PLCG2: variants seen among roughly 807,000 people sequenced by gnomAD.
PLCG2 encodes the protein phospholipase C gamma 2.
In PLCG2, 69 loss-of-function variants were observed where a neutral mutation model predicts 175.6. The observed-to-expected ratio is 0.39, with a 90% CI of 0.32 to 0.48. The LOEUF (loss-of-function observed/expected upper bound fraction) is 0.48. Among genes scored for constraint, PLCG2 ranks in the 20% least tolerant of loss-of-function variants. The pLI is 0.91. For missense variants in PLCG2, 1,798 were observed against 1,650.9 expected, an observed-to-expected ratio of 1.09 and a Z score of -1.54; for synonymous variants, 827 against 624.0, an observed-to-expected ratio of 1.33 and a Z score of -4.85.
chr16:81,766,076 C>T (rs534382682), intron 2 of PLCG2, among the ~76,000 whole-genome samples: 1 of 152,232 alleles, frequency 6.6e-6, no homozygotes, highest in Non-Finnish European at 1.5e-5. Context: ...CCTACCTCTT[C>T]TGTCTCCTGT....
In PLCG2 at chr16:81,956,917, G is replaced by A. The variant is rs199988921; in HGVS notation, c.3755+38G>A. Reference sequence around the variant, plus strand: ...CTCCACCTGCAAAAACTTTTGGGGGGTCTCTAGGCACGGTGATGATGGGCA... The same window carrying A: ...CTCCACCTGCAAAAACTTTTGGGGGATCTCTAGGCACGGTGATGATGGGCA... On this transcript the variant is annotated intron_variant, in intron 32 of 32. Coordinates refer to ENST00000564138, the MANE Select transcript of PLCG2 (RefSeq NM_002661.5). The A allele has an allele frequency of 4.0e-5, 63 of 1,567,156 alleles. No individual in the cohort carries two copies. In the East Asian group the frequency reaches 1.3e-3, roughly 33 times the overall value.
chr16:81,938,711 C>T, intron 28 of PLCG2, 90 bp from the exon 29 acceptor site: 4 of 717,768 alleles, frequency 5.6e-6, no homozygotes, highest in South Asian at 3.3e-5. Flanking sequence ...TGAACTCATC[C>T]AGTGTCACTC....
chr16:81,867,188 C>T (rs550915943), intron 5 of PLCG2, among the ~76,000 whole-genome samples: 169 of 152,326 alleles, frequency 1.1e-3, no homozygotes, highest in Middle Eastern at 6.8e-3. Flanking sequence ...TGGGCAGTGA[C>T]GCGCTACTTC....
chr16:81,807,429 C>T (rs1352996728), intron 2 of PLCG2, among the ~76,000 whole-genome samples: 2 of 152,292 alleles, frequency 1.3e-5, no homozygotes, highest in East Asian at 1.9e-4. Context: ...CAGGCTGAAG[C>T]ATTTTTTCAG....
At chr16:81,797,323 C>G (rs1297438741) in intron 2 of PLCG2, among the ~76,000 whole-genome samples, 10 of 152,012 alleles carry the variant, frequency 6.6e-5, no homozygotes, top group Non-Finnish European at 1.5e-4. Context: ...CCTAGTCTGT[C>G]TTAGATATAA....
chr16:81,792,471 G>T (rs1320073236), intron 2 of PLCG2, among the ~76,000 whole-genome samples: 5 of 92,932 alleles, frequency 5.4e-5, no homozygotes, highest in Admixed American at 1.5e-4. Flanking sequence ...ACAGAGCAAG[G>T]CTCTGTCTCA....
At chr16:81,780,906 A>C (rs966523640) in intron 1 of PLCG2, among the ~76,000 whole-genome samples, 14 of 152,136 alleles carry the variant, frequency 9.2e-5, no homozygotes, top group Non-Finnish European at 2.1e-4. Flanking sequence ...GGCCGCCTGT[A>C]ATCCCAGCTA....
chr16:81,821,493 C>T (rs748525804), intron 2 of PLCG2, among the ~76,000 whole-genome samples: 9 of 152,088 alleles, frequency 5.9e-5, no homozygotes, highest in Non-Finnish European at 1.0e-4. Flanking sequence ...TCTTGGTGAT[C>T]GGCTGACAGG....
intron 5 of PLCG2, among the ~76,000 whole-genome samples, chr16:81,864,969 T>G (rs1008115105): frequency 1.3e-5 from 2 of 152,208 alleles, no homozygotes; most frequent in Admixed American, 6.5e-5. Flanking sequence ...AGCCCTAGGT[T>G]GAGCTCCCAG....
At chr16:81,811,216 C>A (rs79821524) in intron 2 of PLCG2, among the ~76,000 whole-genome samples, 9,038 of 152,266 alleles carry the variant, frequency 0.059, 288 homozygotes, top group South Asian at 0.087. Flanking sequence ...CCTTGGGTCT[C>A]AGTGTCTGCA....
chr16:81,858,145 A>G, intron 3 of PLCG2, 118 bp from the exon 4 acceptor site: 1 of 765,108 alleles, frequency 1.3e-6, no homozygotes, highest in South Asian at 1.5e-5. Context: ...TGCCTTCTGC[A>G]AAACTAGAAA....
At position 81,961,170 on chromosome 16, in the gene PLCG2, AG is replaced by A. The variant is rs1233959723; in HGVS notation, c.*3176del. 5 of 229,042 alleles carry A rather than the reference AG, an allele frequency of 2.2e-5. No individual in the cohort carries two copies. The highest frequency in any genetic ancestry group is 3.5e-5 in the Non-Finnish European group (4 of 115,552). 14.2% of individuals were successfully genotyped at this position (229,042 alleles called of 1,614,324 possible). The stretch of plus-strand genomic sequence containing the variant: ...TGAGTCTCTTAGCATGTAACTACAA[AG>A]GGGTTGGAAGAATTCAGTGATTCTG... On this transcript the variant is annotated 3_prime_UTR_variant, in exon 33 of 33. Coordinates refer to ENST00000564138, the MANE Select transcript of PLCG2 (RefSeq NM_002661.5).
chr16:81,945,553 T>C (rs1597150325), intron 30 of PLCG2, among the ~76,000 whole-genome samples: 1 of 152,224 alleles, frequency 6.6e-6, no homozygotes, highest in East Asian at 1.9e-4. Context: ...CTTTGAGATG[T>C]GTTGCCTTAA....
intron 1 of PLCG2, among the ~76,000 whole-genome samples, chr16:81,747,257 G>C (rs1179661595): frequency 6.6e-6 from 1 of 152,196 alleles, no homozygotes; most frequent in Non-Finnish European, 1.5e-5. Flanking sequence ...TAATGGGACT[G>C]GGCGCGGTGG....
At position 81,957,992 on chromosome 16, in the gene PLCG2, C is replaced by G; in HGVS notation, c.3792C>G (p.Tyr1264Ter). The change falls in exon 33 of 33, where the codon TAC becomes TAG. Residue 1264 changes from tyrosine (Y) to a stop codon, truncating the protein, a stop_gained. Transcript: ENST00000564138. LOFTEE classifies it high-confidence loss of function. ...AGAGAGTCAGCAACAGCAAGTTTTACTCATAGAAGCTGGGGTATGTGTGTA... is the reference window on the plus strand; with the variant it reads ...AGAGAGTCAGCAACAGCAAGTTTTAGTCATAGAAGCTGGGGTATGTGTGTA... Reference protein sequence around the residue: ...REKRVSNSKFYS With the variant: ...REKRVSNSKF The G allele has an allele frequency of 6.2e-7, 1 of 1,610,830 alleles. No individual in the cohort carries two copies. The highest frequency in any genetic ancestry group is 8.5e-7 in the Non-Finnish European group (1 of 1,177,048).
intron 2 of PLCG2, among the ~76,000 whole-genome samples, chr16:81,801,907 C>T (rs1911737441): frequency 6.6e-6 from 1 of 151,944 alleles, no homozygotes; most frequent in Non-Finnish European, 1.5e-5. Context: ...TCTCGAACTC[C>T]TGACCACAAG....
At chr16:81,893,293 G>C (rs1454768198) in intron 11 of PLCG2, among the ~76,000 whole-genome samples, 1 of 152,232 alleles carries the variant, frequency 6.6e-6, no homozygotes, top group African/African-American at 2.4e-5. Flanking sequence ...TTGAATATCT[G>C]TTCTGTGCCT....
At chr16:81,908,126 A>T (rs924189639) in intron 16 of PLCG2, among the ~76,000 whole-genome samples, 2 of 152,178 alleles carry the variant, frequency 1.3e-5, no homozygotes, top group East Asian at 1.9e-4. Flanking sequence ...CCAGGGCCTC[A>T]TGGCTCTCAG....
chr16:81,907,847 C>G (rs1909445555), intron 16 of PLCG2, 73 bp downstream of exon 16: 1 of 1,061,356 alleles, frequency 9.4e-7, no homozygotes, highest in Admixed American at 1.8e-5. Flanking sequence ...CCCGGGACCT[C>G]CTTCCCATGT....
Sources: gnomAD v4.1 joint callset for allele counts (sites outside exome capture counted in the v4.1 genomes callset) on GRCh38, gnomAD v4.1.1 for gene constraint, MANE v1.5 for transcripts, NCBI Gene and HGNC (gene_info 2026-07-23, HGNC 2026-07-21) for gene names.